AKAP12: variants seen among roughly 807,000 people sequenced by gnomAD.
AKAP12 encodes the protein A-kinase anchoring protein 12.
A neutral mutation model predicts 79.9 loss-of-function variants in AKAP12; 32 were observed. The ratio of observed to expected loss-of-function variants is 0.40; its 90% confidence interval spans 0.30 to 0.54. AKAP12 has a LOEUF of 0.54. Ranked by LOEUF, AKAP12 falls within the 20% of genes least tolerant of loss-of-function variation. The probability of loss-of-function intolerance (pLI) is 0.48; values close to 1 mark genes in which losing one functional copy is unlikely to be tolerated. For synonymous variants in AKAP12, 808 were observed against 857.0 expected (o/e 0.94, Z 1.00); for missense variants, 2,074 against 2,177.0 (o/e 0.95, Z 0.94).
At position 151,240,647 on chromosome 6, in the gene AKAP12, G is replaced by A. The variant is rs1255644306; in HGVS notation, c.85G>A (p.Gly29Ser). The change falls in exon 2 of 5, where the codon GGC (glycine) becomes AGC (serine). Residue 29 changes from glycine (G) to serine (S), a missense_variant. By Grantham distance (56) the Gly-to-Ser change is moderately conservative (BLOSUM62 0). Transcript: ENST00000402676. Reference sequence around the variant, plus strand: ...CACGCCGGCTGAGCCCGAGCCCAGCGGCGGCGGCCCCTCGGCCGAGGCGGC... The same window carrying A: ...CACGCCGGCTGAGCCCGAGCCCAGCAGCGGCGGCCCCTCGGCCGAGGCGGC... ...SSTPAEPEPSGGGPSAEAAPD... is the reference protein window; with the variant it reads ...SSTPAEPEPSSGGPSAEAAPD... 3 of 1,336,390 alleles carry A rather than the reference G, an allele frequency of 2.2e-6. No individual in the cohort carries two copies. Among genetic ancestry groups the A allele is most frequent in the South Asian group, 3.8e-5 (2 of 52,114 alleles). 82.8% of individuals were successfully genotyped at this position (1,336,390 alleles called of 1,614,324 possible). A position where few individuals can be genotyped will look rare whatever the true frequency, so the allele number is the denominator to read the frequency against.
At chr6:151,327,764 A>T (rs948303411) in intron 3 of AKAP12, among the ~76,000 whole-genome samples, 1 of 152,212 alleles carries the variant, frequency 6.6e-6, no homozygotes, top group Non-Finnish European at 1.5e-5. Flanking sequence ...AATTGGCTCT[A>T]TTGCTTTCTA....
intron 2 of AKAP12, among the ~76,000 whole-genome samples, chr6:151,268,676 T>C (rs1302846002): frequency 6.6e-6 from 1 of 152,112 alleles, no homozygotes; most frequent in African/African-American, 2.4e-5. Flanking sequence ...AGATTCTCAC[T>C]GTGTCACCCA....
chr6:151,288,211 T>TA (rs201329538), intron 2 of AKAP12, among the ~76,000 whole-genome samples: 3,014 of 125,558 alleles, frequency 0.024, 99 homozygotes, highest in African/African-American at 0.077. Context: ...CTTAAAGTAT[T>TA]TAAAAAAAAA....
At chr6:151,336,190 C>G (rs1004567950) in intron 3 of AKAP12, among the ~76,000 whole-genome samples, 3 of 152,226 alleles carry the variant, frequency 2.0e-5, no homozygotes, top group South Asian at 2.1e-4. Context: ...TGGGTTGGTT[C>G]CATGACTTTG....
chr6:151,321,649 T>G (rs1483591408), intron 3 of AKAP12, among the ~76,000 whole-genome samples: 3 of 152,180 alleles, frequency 2.0e-5, no homozygotes, highest in Non-Finnish European at 4.4e-5. Context: ...TAATGAACAT[T>G]GATGGACAAG....
chr6:151,345,801 A>AG (rs973532596), intron 3 of AKAP12, among the ~76,000 whole-genome samples: 5 of 151,362 alleles, frequency 3.3e-5, no homozygotes, highest in Non-Finnish European at 7.4e-5. Context: ...TAAAAAAAAA[A>AG]AAAAGAAAAG....
At chr6:151,307,125 A>G (rs1351421772) in intron 3 of AKAP12, among the ~76,000 whole-genome samples, 1 of 152,326 alleles carries the variant, frequency 6.6e-6, no homozygotes, top group East Asian at 1.9e-4. Flanking sequence ...CTGGATTTAG[A>G]TGTGTGTAAA....
Position 151,330,604 on chromosome 6 carries a change from G to A in AKAP12, c.320-18107G>A, listed in dbSNP as rs556517593. Among the ~76,000 whole-genome samples the A allele has an allele frequency of 5.9e-5, 9 of 152,204 alleles. No individual in the cohort carries two copies. The South Asian group carries it at 6.2e-4, about 11-fold the overall frequency. ...TCTCAGCCTGAAAAATGAACATGTC[G>A]TTTCTGCAGTATCGTACTTCTTTTT... On this transcript the variant is annotated intron_variant, in intron 3 of 4. Transcript: ENST00000402676.
intron 3 of AKAP12, chr6:151,343,865 C>A: frequency 2.4e-6 from 1 of 416,580 alleles, no homozygotes; most frequent in Non-Finnish European, 4.5e-6. Flanking sequence ...ACAAATTCAT[C>A]ACAGTGTCAG....
intron 3 of AKAP12, among the ~76,000 whole-genome samples, chr6:151,312,275 A>C (rs1777122746): frequency 6.7e-6 from 1 of 149,460 alleles, no homozygotes; most frequent in Non-Finnish European, 1.5e-5. Context: ...GTTCGAGACC[A>C]ATCTGGGAAG....
intron 2 of AKAP12, among the ~76,000 whole-genome samples, chr6:151,245,656 CA>C (rs10700236): frequency 0.13 from 13,003 of 98,820 alleles, 453 homozygotes; most frequent in Middle Eastern, 0.2. Context: ...GACTCCGTCT[CA>C]AAAAAAAAAA....
chr6:151,280,075 T>C (rs1776370547), intron 2 of AKAP12, among the ~76,000 whole-genome samples: 1 of 151,684 alleles, frequency 6.6e-6, no homozygotes, highest in Non-Finnish European at 1.5e-5. Flanking sequence ...ATAATACTGT[T>C]GCGTAACTTG....
chr6:151,355,227 G>C (rs1381781781), intron 4 of AKAP12, among the ~76,000 whole-genome samples: 1 of 151,364 alleles, frequency 6.6e-6, no homozygotes, highest in African/African-American at 2.4e-5. Flanking sequence ...GACCTCAAGT[G>C]ATCTGCCCGC....
chr6:151,304,506 A>AAAAAAAAAAAG, intron 2 of AKAP12, among the ~76,000 whole-genome samples: 1 of 132,062 alleles, frequency 7.6e-6, no homozygotes, highest in Non-Finnish European at 1.5e-5. Context: ...AAAAAAAAAA[A>AAAAAAAAAAAG]AAAAAAAAAA....
At chr6:151,332,810 G>A (rs1037102687) in intron 3 of AKAP12, among the ~76,000 whole-genome samples, 2 of 152,156 alleles carry the variant, frequency 1.3e-5, no homozygotes, top group Non-Finnish European at 2.9e-5. Context: ...TTAACATTTT[G>A]GCCATCTTTG....
In AKAP12 at chr6:151,350,114, G is replaced by A. The variant is rs199598118; in HGVS notation, c.1723G>A (p.Glu575Lys). The change falls in exon 4 of 5, where the codon GAG (glutamate) becomes AAG (lysine). Residue 575 changes from glutamate to lysine, a missense_variant. This residue lies in a region of AKAP12 where 1,428 missense variants were observed against 1,451.0 expected (regional missense o/e 0.98). Transcript: ENST00000402676. The surrounding 1 kb of genome is among the most constrained non-coding windows in gnomAD (Gnocchi z 4.8). ...TGCCTCATCCCCTGAGGAGCCCGAGGAGATCACGTGTCTGGAAAAGGGCTT... is the reference window on the plus strand; with the variant it reads ...TGCCTCATCCCCTGAGGAGCCCGAGAAGATCACGTGTCTGGAAAAGGGCTT... Reference protein sequence around the residue: ...SSASSPEEPEEITCLEKGLAE... With the variant: ...SSASSPEEPEKITCLEKGLAE... The A allele has an allele frequency of 1.2e-5, 19 of 1,614,082 alleles. No individual in the cohort carries two copies. In the East Asian group the frequency reaches 1.8e-4, roughly 15 times the overall value.
At position 151,350,196 on chromosome 6, in the gene AKAP12, A is replaced by G. The variant is rs1326919735; in HGVS notation, c.1805A>G (p.Lys602Arg). ...GAAGGAGCTACTTCCGATGGAGAGA[A>G]AAAAAGAGAAGGTGTCACTCCCTGG... ...AEEGATSDGEKKREGVTPWAS... is the reference protein window; with the variant it reads ...AEEGATSDGERKREGVTPWAS... Residue 602 changes from lysine (K) to arginine (R), a missense_variant, in exon 4 of 5, where the codon AAA (lysine) becomes AGA (arginine). By Grantham distance (26) the Lys-to-Arg change is conservative. Around this residue, in one of 3 missense-constraint regions of AKAP12, gnomAD observed 1,428 missense variants for 1,451.0 expected, o/e 0.98. Transcript: ENST00000402676. This position sits in a 1 kb window ranked among gnomAD's most constrained non-coding sequence, Gnocchi z 4.8. The G allele has an allele frequency of 3.1e-6, 5 of 1,613,864 alleles. No homozygotes were observed. Among genetic ancestry groups the G allele is most frequent in the African/African-American group, 1.3e-5 (1 of 74,872 alleles).
chr6:151,280,296 T>C (rs1776377535), intron 2 of AKAP12, among the ~76,000 whole-genome samples: 1 of 151,978 alleles, frequency 6.6e-6, no homozygotes, highest in South Asian at 2.1e-4. Context: ...ATAATTTTGA[T>C]ATATAAAATG....
intron 1 of AKAP12, 28 bp from the exon 2 acceptor site, chr6:151,240,356 C>T (rs998246962): frequency 1.5e-5 from 6 of 388,328 alleles, no homozygotes; most frequent in Non-Finnish European, 2.6e-5. Context: ...AAGAGGTGGC[C>T]TTTTTTTTTT....
Sources: allele counts gnomAD v4.1 joint callset (sites outside exome capture counted in the v4.1 genomes callset), GRCh38; gene constraint gnomAD v4.1.1; regional missense constraint gnomAD v4.1.1; non-coding constraint Gnocchi (gnomAD v3.1); transcripts MANE v1.5; gene names NCBI Gene and HGNC (gene_info 2026-07-23, HGNC 2026-07-21).